The following RABGGTB variants were observed in gnomAD, a reference collection of about 807,000 sequenced individuals.
RABGGTB encodes the protein Rab geranylgeranyltransferase subunit beta, also known as geranylgeranyl transferase type-2 subunit beta.
Under a neutral mutation model 44.5 loss-of-function variants are expected in RABGGTB, and 20 were observed. The ratio of observed to expected loss-of-function variants is 0.45; its 90% CI spans 0.32 to 0.65. The LOEUF is 0.65. Ranked by LOEUF, RABGGTB falls within the 30% of genes least tolerant of loss-of-function variation. RABGGTB has a pLI of 0.05. For synonymous variants in RABGGTB, 128 were observed against 136.7 expected, an observed-to-expected ratio of 0.94 and a Z score of 0.44; for missense variants, 302 against 398.7, an observed-to-expected ratio of 0.76 and a Z score of 2.06.
At position 75,791,447 on chromosome 1, in the gene RABGGTB, T is replaced by C; in HGVS notation, c.469-14T>C. 6.2e-7 allele frequency: 1 copy of C among 1,601,966 alleles called. No homozygotes were observed. Among genetic ancestry groups the C allele is most frequent in the Non-Finnish European group, 8.5e-7 (1 of 1,174,626 alleles). On this transcript the variant is annotated splice_polypyrimidine_tract_variant and intron_variant, in intron 5 of 8. Coordinates refer to ENST00000319942, the MANE Select transcript of RABGGTB (RefSeq NM_004582.4). ...ACTCTGGAATTTAACAGGCATCTTT[T>C]TTTTTGTTTGTAGGGGAAGCTTGAT...
At position 75,795,029 on chromosome 1, in the gene RABGGTB, A is replaced by T. The variant is rs1649737541; in HGVS notation, c.*379A>T. 3.8e-6 allele frequency: 1 copy of T among 263,592 alleles called. No homozygotes were observed. Among genetic ancestry groups the T allele is most frequent in the Non-Finnish European group, 7.5e-6 (1 of 133,456 alleles). 16.3% of individuals were successfully genotyped at this position (263,592 alleles called of 1,614,324 possible). On this transcript the variant is annotated 3_prime_UTR_variant, in exon 9 of 9. Coordinates refer to ENST00000319942, the MANE Select transcript of RABGGTB (RefSeq NM_004582.4). The stretch of plus-strand genomic sequence containing the variant: ...AATGTTAACTGATGAAAGTGGATAG[A>T]ACCCATACATGAATTAAATGATGCA...
At chr1:75,787,198 CT>C in intron 1 of RABGGTB, 1 of 611,982 alleles carries the variant, frequency 1.6e-6, no homozygotes, top group Non-Finnish European at 3.1e-6. Flanking sequence ...GATTTAAGTT[CT>C]TTTTTGTTGG....
intron 1 of RABGGTB, 103 bp from the exon 2 acceptor site, chr1:75,787,394 G>C: frequency 2.3e-6 from 2 of 869,124 alleles, no homozygotes; most frequent in Non-Finnish European, 3.7e-6. Flanking sequence ...CCTATTACAA[G>C]ATGAAATCAA....
intron 4 of RABGGTB, 96 bp from the exon 5 acceptor site, chr1:75,791,189 A>G (rs1649636921): frequency 1.9e-6 from 2 of 1,065,326 alleles, no homozygotes; most frequent in East Asian, 4.7e-5. Context: ...TTAAGCTTGA[A>G]CTCAATTTAA....
chr1:75,789,870 T>A, intron 3 of RABGGTB, 82 bp from the exon 4 acceptor site: 1 of 1,041,040 alleles, frequency 9.6e-7, no homozygotes, highest in Non-Finnish European at 1.5e-6. Context: ...AGGATGTGCT[T>A]GACAACTTAA....
At chr1:75,789,028 A>T in intron 2 of RABGGTB, 131 bp from the exon 3 acceptor site, 1 of 709,244 alleles carries the variant, frequency 1.4e-6, no homozygotes, top group South Asian at 1.8e-5. Context: ...TAAACTCACT[A>T]CTGATCAGTG....
At chr1:75,790,329 C>A in intron 4 of RABGGTB, 3 of 1,233,662 alleles carry the variant, frequency 2.4e-6, no homozygotes, top group East Asian at 3.2e-5. Flanking sequence ...TTTTTAAAAA[C>A]TACTTGCTGG....
At chr1:75,793,981 A>T in intron 7 of RABGGTB, 103 bp from the exon 8 acceptor site, 1 of 1,101,126 alleles carries the variant, frequency 9.1e-7, no homozygotes, top group Non-Finnish European at 1.3e-6. Context: ...TGACACTTTG[A>T]ACATCAGATT....
chr1:75,787,256 G>T, intron 1 of RABGGTB: 1 of 625,920 alleles, frequency 1.6e-6, no homozygotes, highest in South Asian at 1.7e-5. Context: ...TTTTTGAGTC[G>T]GTCTCCGGTC....
intron 2 of RABGGTB, 79 bp from the exon 3 acceptor site, chr1:75,789,080 G>A (rs1649579222): frequency 3.3e-5 from 43 of 1,313,120 alleles, no homozygotes; most frequent in Non-Finnish European, 4.6e-5. Context: ...CATGGCTAAT[G>A]AGTTACCTTT....
chr1:75,792,181 A>C lies in RABGGTB; in HGVS notation c.580A>C (p.Ile194Leu). ...ATAAACTTTATGTCTGTAATTTTAG[A>C]TCTATTGTTGCACAGGATTTCTGGC... ...RPGSESHAGQ[I>L]YCCTGFLAIT... Residue 194 changes from isoleucine (I) to leucine (L), a missense_variant and splice_region_variant, in exon 7 of 9, where the codon ATC becomes CTC. Ile to Leu is a conservative substitution (Grantham distance 5, BLOSUM62 2). Transcript: ENST00000319942. 1.9e-6 allele frequency: 3 copies of C among 1,601,862 alleles called. No homozygotes were observed. The highest frequency in any genetic ancestry group is 8.6e-7 in the Non-Finnish European group (1 of 1,168,954).
At chr1:75,794,325 T>G in intron 8 of RABGGTB, 92 bp downstream of exon 8, 1 of 1,453,146 alleles carries the variant, frequency 6.9e-7, no homozygotes, top group East Asian at 2.3e-5. Flanking sequence ...ATTCCGAGTG[T>G]TGCTTTGAAA....
chr1:75,793,950 A>G, intron 7 of RABGGTB, 134 bp from the exon 8 acceptor site: 1 of 860,808 alleles, frequency 1.2e-6, no homozygotes, highest in African/African-American at 1.7e-5. Context: ...ATATCCCTGG[A>G]TTTCGTCCTT....
At chr1:75,792,481 C>T (rs1008694645) in intron 7 of RABGGTB, among the ~76,000 whole-genome samples, 175 bp downstream of exon 7, 27 of 152,166 alleles carry the variant, frequency 1.8e-4, no homozygotes, top group Non-Finnish European at 4.4e-5. Context: ...AGTAGACCCC[C>T]ATGAGTTGAA....
chr1:75,792,113 A>G, intron 6 of RABGGTB, 68 bp from the exon 7 acceptor site: 1 of 1,381,840 alleles, frequency 7.2e-7, no homozygotes, highest in South Asian at 1.3e-5. Flanking sequence ...TGTTTTAATA[A>G]TTTGAGTTTT....
intron 6 of RABGGTB, 145 bp downstream of exon 6, chr1:75,791,716 T>A (rs1480934929): frequency 1.4e-6 from 1 of 692,090 alleles, no homozygotes; most frequent in East Asian, 2.7e-5. Context: ...ATTGCTTAAT[T>A]GCTATCATTA....
intron 2 of RABGGTB, chr1:75,788,815 TA>T (rs1330118609): frequency 3.9e-4 from 108 of 278,968 alleles, no homozygotes; most frequent in African/African-American, 2.1e-3. Flanking sequence ...AAATATGGTA[TA>T]GGTACTCGGA....
intron 4 of RABGGTB, among the ~76,000 whole-genome samples, chr1:75,790,980 G>A (rs1218050868): frequency 6.6e-6 from 1 of 152,088 alleles, no homozygotes; most frequent in African/African-American, 2.4e-5. Flanking sequence ...TGTAGAGATG[G>A]GGTCCCATTA....
chr1:75,786,722 A>C, intron 1 of RABGGTB: 1 of 273,056 alleles, frequency 3.7e-6, no homozygotes. Context: ...ACTCTCAATG[A>C]GGAAGATATA....
Sources: allele counts gnomAD v4.1 joint callset (sites outside exome capture counted in the v4.1 genomes callset), GRCh38; gene constraint gnomAD v4.1.1; transcripts MANE v1.5; gene names NCBI Gene and HGNC (gene_info 2026-07-23, HGNC 2026-07-21).